DNAH8: variants seen among roughly 807,000 people sequenced by gnomAD.
DNAH8 encodes the protein axonemal beta dynein heavy chain 8.
In DNAH8, 382 loss-of-function variants were observed where a neutral mutation model predicts 562.1. The ratio of observed to expected loss-of-function variants is 0.68; its 90% CI spans 0.63 to 0.74. The LOEUF (loss-of-function observed/expected upper bound fraction) is 0.74. Ranked by LOEUF, DNAH8 falls within the 30% of genes least tolerant of loss-of-function variation. The probability of loss-of-function intolerance (pLI) is 0.00; values close to 1 mark genes in which losing one functional copy is unlikely to be tolerated. For synonymous variants in DNAH8, 1,881 were observed against 1,919.4 expected (o/e 0.98, Z 0.52); for missense variants, 5,203 against 5,620.4 (o/e 0.93, Z 2.37).
intron 3 of DNAH8, 137 bp downstream of exon 3, chr6:38,723,608 C>A: frequency 8.8e-7 from 1 of 1,135,320 alleles, no homozygotes; most frequent in Non-Finnish European, 1.2e-6. Context: ...GGCACAGTGG[C>A]TCATGCCTGT....
intron 30 of DNAH8, among the ~76,000 whole-genome samples, chr6:38,829,996 C>T: frequency 6.6e-6 from 1 of 152,146 alleles, no homozygotes; most frequent in East Asian, 1.9e-4. Context: ...GTAGTGATGT[C>T]CCCTTTTTCA....
chr6:38,857,695 ACT>A lies in DNAH8; in HGVS notation c.5914_5915del (p.Leu1972AsnfsTer12), dbSNP rs1288581915. 1 of 1,613,622 alleles carries A rather than the reference ACT, an allele frequency of 6.2e-7. No individual in the cohort carries two copies. The highest frequency in any genetic ancestry group is 2.2e-5 in the East Asian group (1 of 44,822). ...LSKFDRVKFE[T>X]LITIHVHQRD... The stretch of plus-strand genomic sequence containing the variant: ...CAAGTTTGATAGAGTGAAGTTCGAG[ACT>A]CTAATTACCATCCATGTGCATCAGA... On this transcript the variant is annotated frameshift_variant, in exon 42 of 93. Coordinates refer to ENST00000327475, the MANE Select transcript of DNAH8 (RefSeq NM_001206927.2). LOFTEE classifies it high-confidence loss of function.
chr6:38,806,759 C>T lies in DNAH8; in HGVS notation c.3151-851C>T, dbSNP rs530401743. On this transcript the variant is annotated intron_variant, in intron 23 of 92. Coordinates refer to ENST00000327475, the MANE Select transcript of DNAH8 (RefSeq NM_001206927.2). ...TCGCGCCACTGCACTCCAGCCTGGG[C>T]GACAGAGCAAGACTCTGTCTCAAAA... Among the ~76,000 whole-genome samples, 6 of 149,986 alleles carry T rather than the reference C, an allele frequency of 4.0e-5. No individual in the cohort carries two copies. In the South Asian group the frequency reaches 8.6e-4, roughly 22 times the overall value.
chr6:38,890,340 C>T (rs1304303402), intron 57 of DNAH8, among the ~76,000 whole-genome samples: 1 of 152,180 alleles, frequency 6.6e-6, no homozygotes, highest in African/African-American at 2.4e-5. Flanking sequence ...TGTCTGCATG[C>T]AAGCTGTGTA....
At chr6:38,993,019 CTGTG>C (rs1249321285) in intron 88 of DNAH8, among the ~76,000 whole-genome samples, 1 of 151,962 alleles carries the variant, frequency 6.6e-6, no homozygotes, top group African/African-American at 2.4e-5. Flanking sequence ...ATATATTTCT[CTGTG>C]TGTGTGTTTG....
chr6:38,869,990 A>G (rs1255038119), intron 48 of DNAH8, among the ~76,000 whole-genome samples: 3 of 152,188 alleles, frequency 2.0e-5, no homozygotes, highest in Non-Finnish European at 4.4e-5. Flanking sequence ...AGGCCTCACA[A>G]TCATGCTGGG....
intron 21 of DNAH8, among the ~76,000 whole-genome samples, chr6:38,799,967 A>G (rs924651253): frequency 5.3e-5 from 8 of 152,214 alleles, no homozygotes; most frequent in Non-Finnish European, 1.2e-4. Context: ...TTTTAAAGAA[A>G]CAACAATGTC....
intron 32 of DNAH8, among the ~76,000 whole-genome samples, chr6:38,835,848 T>A (rs996960361): frequency 2.0e-5 from 3 of 152,068 alleles, no homozygotes; most frequent in East Asian, 3.9e-4. Flanking sequence ...GGGAGTGATA[T>A]GATCATACTT....
At chr6:38,831,194 A>T (rs1366429811) in intron 30 of DNAH8, among the ~76,000 whole-genome samples, 1 of 151,752 alleles carries the variant, frequency 6.6e-6, no homozygotes, top group African/African-American at 2.4e-5. Context: ...GGAGGCTGAG[A>T]TGGGTGGATC....
intron 79 of DNAH8, among the ~76,000 whole-genome samples, chr6:38,939,296 C>G (rs9380810): frequency 0.46 from 70,677 of 152,008 alleles, 17,248 homozygotes; most frequent in Non-Finnish European, 0.54. Flanking sequence ...TTTAGCAGGA[C>G]AGCCATTCCC....
chr6:38,984,490 A>G (rs1277366685), intron 87 of DNAH8, 183 bp downstream of exon 87: 4 of 561,796 alleles, frequency 7.1e-6, no homozygotes, highest in Non-Finnish European at 1.3e-5. Context: ...ACACACACAC[A>G]CACACAACAA....
intron 88 of DNAH8, among the ~76,000 whole-genome samples, chr6:39,002,483 C>T (rs1044761057): frequency 1.1e-4 from 17 of 152,148 alleles, no homozygotes; most frequent in Non-Finnish European, 2.4e-4. Flanking sequence ...CTTTATATGA[C>T]TTTTTAAAAC....
intron 1 of DNAH8, among the ~76,000 whole-genome samples, chr6:38,717,887 A>C (rs192497282): frequency 1.8e-3 from 281 of 152,316 alleles, no homozygotes; most frequent in Admixed American, 2.6e-3. Context: ...AGAAACAAAA[A>C]AATGCTGCAT....
chr6:38,872,884 T>A (rs1464321789), intron 50 of DNAH8, 22 bp from the exon 51 acceptor site: 1 of 1,609,264 alleles, frequency 6.2e-7, no homozygotes, highest in Non-Finnish European at 8.5e-7. Context: ...GAAAAGTGAT[T>A]TTCTGTTTTA....
At chr6:38,901,206 C>T (rs1780055005) in intron 62 of DNAH8, among the ~76,000 whole-genome samples, 1 of 152,014 alleles carries the variant, frequency 6.6e-6, no homozygotes, top group African/African-American at 2.4e-5. Flanking sequence ...ATGAAACATT[C>T]ATTTTTTTCT....
At chr6:39,007,610 C>G (rs1416152602) in intron 88 of DNAH8, among the ~76,000 whole-genome samples, 2 of 152,146 alleles carry the variant, frequency 1.3e-5, no homozygotes, top group Non-Finnish European at 2.9e-5. Context: ...GGGTGGTGTT[C>G]AGAATCCTAC....
chr6:39,027,694 G>A (rs1767387885), intron 92 of DNAH8, among the ~76,000 whole-genome samples: 1 of 151,968 alleles, frequency 6.6e-6, no homozygotes, highest in Non-Finnish European at 1.5e-5. Context: ...TGGGGTGGTG[G>A]CAGGCTGTAA....
chr6:38,780,071 T>C lies in DNAH8; in HGVS notation c.2139+6T>C. The C allele has an allele frequency of 6.2e-7, 1 of 1,612,186 alleles. No homozygotes were observed. Among genetic ancestry groups the C allele is most frequent in the Non-Finnish European group, 8.5e-7 (1 of 1,178,822 alleles). ...AACTTGATGCTACTAAGAAGGCAAGTGTCATGTTTATAAATAAAATGGTAC... is the reference window on the plus strand; with the variant it reads ...AACTTGATGCTACTAAGAAGGCAAGCGTCATGTTTATAAATAAAATGGTAC... On this transcript the variant is annotated splice_donor_region_variant and intron_variant, in intron 15 of 92. Coordinates refer to ENST00000327475, the MANE Select transcript of DNAH8 (RefSeq NM_001206927.2).
Position 38,826,403 on chromosome 6 carries a change from T to A in DNAH8, c.4083+12T>A. ...TGGGACCAATTGAAGTAAGAAATGA[T>A]TGCATTTTTTTTTCTTGGAATGCTT... On this transcript the variant is annotated intron_variant, in intron 29 of 92. Transcript: ENST00000327475. The A allele has an allele frequency of 6.5e-7, 1 of 1,536,188 alleles. No homozygotes were observed.
Sources: allele counts gnomAD v4.1 joint callset (sites outside exome capture counted in the v4.1 genomes callset), GRCh38; gene constraint gnomAD v4.1.1; transcripts MANE v1.5; gene names NCBI Gene and HGNC (gene_info 2026-07-23, HGNC 2026-07-21).